The following PTPRE variants were observed in gnomAD, a reference collection of about 807,000 sequenced individuals.
PTPRE encodes protein tyrosine phosphatase receptor type E.
PTPRE carries 51 observed loss-of-function variants against 102.0 expected under a neutral mutation model. The ratio of observed to expected loss-of-function variants is 0.50; its 90% CI spans 0.40 to 0.63. The LOEUF is 0.63. PTPRE is among the 30% of genes least tolerant of loss of function. The pLI is 0.00. For missense variants in PTPRE, 752 were observed against 915.1 expected (o/e 0.82, Z 2.30); for synonymous variants, 345 against 348.2 (o/e 0.99, Z 0.10).
In PTPRE at chr10:128,085,352, C is replaced by T. The variant is rs1221913436; in HGVS notation, c.*2446C>T. ...AAACAGCCCCCAAACAGCCCAGTGC[C>T]GACACCATTGTTCCTTTCACACTTT... is the stretch of plus-strand genomic sequence containing the variant. On this transcript the variant is annotated 3_prime_UTR_variant, in exon 21 of 21. Transcript: ENST00000254667. 1.1e-5 allele frequency: 3 copies of T among 263,540 alleles called. No individual in the cohort carries two copies. Among genetic ancestry groups the T allele is most frequent in the African/African-American group, 4.4e-5 (2 of 45,364 alleles). The allele number at this position is 263,540 out of a possible 1,614,324, so 16.3% of individuals were successfully genotyped here. A position where few individuals can be genotyped will look rare whatever the true frequency, so the allele number is the denominator to read the frequency against.
rs180787179 is a variant in PTPRE, at chr10:128,042,979, A to G, written c.109+1989A>G. Among the ~76,000 whole-genome samples the G allele has an allele frequency of 3.3e-4, 50 of 152,316 alleles. 3 individuals carry two copies. Among genetic ancestry groups the G allele is most frequent in the East Asian group, 1.9e-4 (1 of 5,174 alleles). The stretch of plus-strand genomic sequence containing the variant: ...TTAGAGAAATGCAAGTTAAAATGAC[A>G]TTATCATTTTACCTATCAGATGGAC... On this transcript the variant is annotated intron_variant, in intron 3 of 20. Transcript: ENST00000254667.
intron 1 of PTPRE, among the ~76,000 whole-genome samples, chr10:127,950,852 T>G (rs970341553): frequency 6.6e-6 from 1 of 151,998 alleles, no homozygotes; most frequent in Non-Finnish European, 1.5e-5. Context: ...GTCCCAGCAC[T>G]TTGGGAGGCC....
intron 7 of PTPRE, among the ~76,000 whole-genome samples, chr10:128,059,390 G>A (rs1849303970): frequency 1.3e-5 from 2 of 152,144 alleles, no homozygotes; most frequent in South Asian, 4.1e-4. Context: ...TCAACCATCG[G>A]AGGTCGCAGG....
At chr10:128,060,339 C>T (rs1364508187) in intron 7 of PTPRE, among the ~76,000 whole-genome samples, 1 of 152,184 alleles carries the variant, frequency 6.6e-6, no homozygotes, top group Non-Finnish European at 1.5e-5. Context: ...CCCCGGAAAA[C>T]TGCTTGTGCA....
At chr10:127,985,351 G>A (rs1285343637) in intron 2 of PTPRE, among the ~76,000 whole-genome samples, 1 of 152,262 alleles carries the variant, frequency 6.6e-6, no homozygotes, top group Non-Finnish European at 1.5e-5. Flanking sequence ...GGGAGGCCAA[G>A]GCAGGTGGAT....
intron 2 of PTPRE, among the ~76,000 whole-genome samples, chr10:127,992,540 T>A (rs11016002): frequency 0.7 from 107,012 of 152,048 alleles, 38,338 homozygotes; most frequent in African/African-American, 0.86. Context: ...GCTTCCCTGG[T>A]GAAGAGGCCC....
intron 19 of PTPRE, among the ~76,000 whole-genome samples, chr10:128,078,520 A>G (rs992447416): frequency 1.3e-5 from 2 of 152,104 alleles, no homozygotes; most frequent in Admixed American, 1.3e-4. Flanking sequence ...GGGTGGTGCT[A>G]ATGTGCTCCT....
intron 2 of PTPRE, among the ~76,000 whole-genome samples, chr10:128,010,414 A>G (rs1844881474): frequency 6.6e-6 from 1 of 152,152 alleles, no homozygotes; most frequent in Non-Finnish European, 1.5e-5. Flanking sequence ...TTGCCGGGGC[A>G]CAGATCCCAT....
intron 1 of PTPRE, among the ~76,000 whole-genome samples, chr10:127,912,432 A>G (rs1051212404): frequency 1.3e-5 from 2 of 152,332 alleles, no homozygotes; most frequent in East Asian, 1.9e-4. Context: ...AATCCGGTCC[A>G]TTATGTATAT....
chr10:127,990,411 C>CAAAAAAAAA (rs60034358), intron 2 of PTPRE, among the ~76,000 whole-genome samples: 49 of 65,420 alleles, frequency 7.5e-4, no homozygotes, highest in Non-Finnish European at 9.1e-4. Flanking sequence ...GACTCCACCT[C>CAAAAAAAAA]AAAAAAAAAA....
chr10:127,945,411 C>T (rs1018461033), intron 1 of PTPRE, among the ~76,000 whole-genome samples: 3 of 152,208 alleles, frequency 2.0e-5, no homozygotes, highest in Non-Finnish European at 4.4e-5. Flanking sequence ...ACTTTGGGCT[C>T]CTTGCCTGTG....
chr10:128,059,772 C>T (rs1385031382), intron 7 of PTPRE, among the ~76,000 whole-genome samples: 1 of 152,164 alleles, frequency 6.6e-6, no homozygotes, highest in East Asian at 1.9e-4. Context: ...AAATCACAAA[C>T]AAAACGTGCA....
chr10:127,944,500 A>ATAAG lies in PTPRE; in HGVS notation c.-31+37192_-31+37193insAAGT, dbSNP rs112211163. On this transcript the variant is annotated intron_variant, in intron 1 of 20. Coordinates refer to ENST00000254667, the MANE Select transcript of PTPRE (RefSeq NM_006504.6). The surrounding 1 kb of genome is among the most constrained non-coding windows in gnomAD (Gnocchi z 4.2). ...GATGGATGGATGGATGGATGGATGG[A>ATAAG]TGGATGGATGGATGGGTGGATGGAT... Among the ~76,000 whole-genome samples the ATAAG allele has an allele frequency of 0.2, 29,556 of 145,984 alleles. 3,310 individuals are homozygous for ATAAG. Among genetic ancestry groups the ATAAG allele is most frequent in the East Asian group, 0.27 (1,338 of 4,922 alleles).
rs1169984489 is a variant in PTPRE, at chr10:127,987,965, G to T, written c.-8+5669G>T. On this transcript the variant is annotated intron_variant, in intron 2 of 20. Transcript: ENST00000254667. ...CAGGGCCGGCACTCTGTGTGTAAGG[G>T]TTTCCTGCCTGTGCAGTTCATGTTG... is the stretch of plus-strand genomic sequence containing the variant. 2.0e-5 allele frequency among the ~76,000 whole-genome samples: 3 copies of T among 152,228 alleles called. No individual in the cohort carries two copies. In the East Asian group the frequency reaches 5.8e-4, roughly 29 times the overall value.
At chr10:128,036,156 C>G (rs959878952) in intron 2 of PTPRE, among the ~76,000 whole-genome samples, 6 of 152,082 alleles carry the variant, frequency 3.9e-5, no homozygotes, top group African/African-American at 1.4e-4. Flanking sequence ...TCTGCCCTCC[C>G]CCGAGCCCAG....
At chr10:128,053,863 C>A (rs533464404) in intron 6 of PTPRE, among the ~76,000 whole-genome samples, 1 of 152,250 alleles carries the variant, frequency 6.6e-6, no homozygotes, top group East Asian at 1.9e-4. Context: ...CAGGTTCAAG[C>A]GATTTTACTG....
In PTPRE at chr10:128,067,290, A is replaced by T. The variant is rs564880862; in HGVS notation, c.844-833A>T. On this transcript the variant is annotated intron_variant, in intron 11 of 20. Coordinates refer to ENST00000254667, the MANE Select transcript of PTPRE (RefSeq NM_006504.6). Reference sequence around the variant, plus strand: ...CATGTGCACACACACGCACCCACACACGCACAGATGCACACATGCACATTC... The same window carrying T: ...CATGTGCACACACACGCACCCACACTCGCACAGATGCACACATGCACATTC... Among the ~76,000 whole-genome samples the T allele has an allele frequency of 4.6e-5, 7 of 150,990 alleles. No individual in the cohort carries two copies. In the South Asian group the frequency reaches 1.5e-3, roughly 32 times the overall value.
intron 7 of PTPRE, among the ~76,000 whole-genome samples, chr10:128,056,498 G>A (rs1397679642): frequency 1.3e-5 from 2 of 152,190 alleles, no homozygotes; most frequent in Non-Finnish European, 2.9e-5. Flanking sequence ...GCTGCTTCGT[G>A]GCCATGGGTG....
At chr10:128,030,153 C>T (rs1000747038) in intron 2 of PTPRE, among the ~76,000 whole-genome samples, 1 of 152,226 alleles carries the variant, frequency 6.6e-6, no homozygotes, top group East Asian at 1.9e-4. Flanking sequence ...TGGCAGAGAC[C>T]GTGTCCACTC....
Sources: allele counts gnomAD v4.1 joint callset (sites outside exome capture counted in the v4.1 genomes callset), GRCh38; gene constraint gnomAD v4.1.1; non-coding constraint Gnocchi (gnomAD v3.1); transcripts MANE v1.5; gene names NCBI Gene and HGNC (gene_info 2026-07-23, HGNC 2026-07-21).